Variants in CLVS1 observed in about 807,000 individuals in gnomAD.
The protein encoded by CLVS1 is clavesin-1.
Under a neutral mutation model 33.1 loss-of-function variants are expected in CLVS1, and 10 were observed. The observed-to-expected ratio is 0.30, with a 90% CI of 0.19 to 0.51. CLVS1 has a LOEUF of 0.51. Among genes scored for constraint, CLVS1 ranks in the 20% least tolerant of loss-of-function variants. CLVS1 has a pLI of 0.97. For missense variants in CLVS1, 343 were observed against 433.4 expected (o/e 0.79, Z 1.85); for synonymous variants, 163 against 166.1 (o/e 0.98, Z 0.14).
At chr8:61,197,087 C>T (rs925788354) in intron 2 of CLVS1, among the ~76,000 whole-genome samples, 19 of 152,138 alleles carry the variant, frequency 1.2e-4, no homozygotes, top group African/African-American at 4.6e-4. Flanking sequence ...CATGAGGCAT[C>T]CGTTGTATAA....
At chr8:61,218,930 G>A (rs1250744988) in intron 2 of CLVS1, among the ~76,000 whole-genome samples, 2 of 152,102 alleles carry the variant, frequency 1.3e-5, no homozygotes, top group African/African-American at 4.8e-5. Context: ...GGCAACAAGA[G>A]TGAAACTTCG....
At chr8:61,202,247 A>G (rs1372724917) in intron 2 of CLVS1, 14 of 524,790 alleles carry the variant, frequency 2.7e-5, no homozygotes, top group Non-Finnish European at 4.6e-5. Context: ...CAGATATTTA[A>G]GAATGTCCCC....
chr8:61,431,011 C>T (rs769991938), intron 3 of CLVS1, among the ~76,000 whole-genome samples: 4 of 152,150 alleles, frequency 2.6e-5, no homozygotes, highest in African/African-American at 4.8e-5. Context: ...CTACTAAACT[C>T]GCATGCTTGC....
intron 5 of CLVS1, among the ~76,000 whole-genome samples, chr8:61,480,581 C>T (rs529668094): frequency 6.6e-6 from 1 of 152,016 alleles, no homozygotes; most frequent in African/African-American, 2.4e-5. Context: ...GTGTGCTGCA[C>T]CCACTGTCCT....
intron 1 of CLVS1, among the ~76,000 whole-genome samples, chr8:61,080,021 TG>T (rs1234255642): frequency 2.8e-4 from 43 of 152,304 alleles, no homozygotes; most frequent in African/African-American, 1.0e-3. Context: ...AATGGATGCA[TG>T]GGGGTAATAC....
intron 5 of CLVS1, among the ~76,000 whole-genome samples, chr8:61,493,522 T>G (rs1563579300): frequency 6.6e-6 from 1 of 152,172 alleles, no homozygotes; most frequent in Non-Finnish European, 1.5e-5. Context: ...TTTTTACACA[T>G]GAGGAGGCCG....
intron 1 of CLVS1, among the ~76,000 whole-genome samples, chr8:61,094,406 G>C (rs992978801): frequency 5.9e-5 from 9 of 152,148 alleles, no homozygotes; most frequent in African/African-American, 2.2e-4. Flanking sequence ...GCTCTATACA[G>C]TTCTGAATGC....
At chr8:61,241,332 A>G (rs944809577) in intron 2 of CLVS1, among the ~76,000 whole-genome samples, 2 of 152,204 alleles carry the variant, frequency 1.3e-5, no homozygotes, top group Non-Finnish European at 2.9e-5. Context: ...GAGATGAATT[A>G]GATAGATTTT....
intron 2 of CLVS1, among the ~76,000 whole-genome samples, chr8:61,315,264 T>C (rs774569387): frequency 6.6e-6 from 1 of 152,246 alleles, no homozygotes; most frequent in Non-Finnish European, 1.5e-5. Flanking sequence ...TTTTCATTTT[T>C]AGACTTTTTG....
chr8:61,202,368 C>T (rs577901233), intron 2 of CLVS1: 153 of 746,774 alleles, frequency 2.0e-4, no homozygotes, highest in South Asian at 1.2e-3. Context: ...ATCTGATGGA[C>T]GTGGACATGA....
At chr8:61,012,943 A>G in the CLVS1 span, among the ~76,000 whole-genome samples, 1 of 152,196 alleles carries the variant, frequency 6.6e-6, no homozygotes. Context: ...TGTAAACTGC[A>G]GTCACAGAGG....
intron 2 of CLVS1, among the ~76,000 whole-genome samples, chr8:61,309,561 A>T (rs1585783301): frequency 6.6e-6 from 1 of 152,186 alleles, no homozygotes; most frequent in Non-Finnish European, 1.5e-5. Context: ...ATGTAGAAAA[A>T]CACCCCAAAT....
intron 2 of CLVS1, among the ~76,000 whole-genome samples, chr8:61,272,004 A>G (rs1809450578): frequency 6.6e-6 from 1 of 151,192 alleles, no homozygotes; most frequent in Non-Finnish European, 1.5e-5. Context: ...TTTAAAGTTA[A>G]TATTGTTATG....
intron 2 of CLVS1, among the ~76,000 whole-genome samples, chr8:61,238,941 G>A (rs532701246): frequency 1.6e-4 from 24 of 152,326 alleles, no homozygotes; most frequent in Middle Eastern, 3.4e-3. Flanking sequence ...ATACATATGT[G>A]TTAGTGGTCT....
At chr8:61,216,209 G>A (rs1808082474) in intron 2 of CLVS1, among the ~76,000 whole-genome samples, 2 of 152,148 alleles carry the variant, frequency 1.3e-5, no homozygotes, top group Non-Finnish European at 1.5e-5. Flanking sequence ...TATTGGCACA[G>A]GCTCCTTACT....
the CLVS1 span, among the ~76,000 whole-genome samples, chr8:61,005,901 G>T: frequency 6.6e-6 from 1 of 152,128 alleles, no homozygotes; most frequent in Admixed American, 6.5e-5. Flanking sequence ...CGAGGCGGGG[G>T]AGTCGGACCA....
intron 5 of CLVS1, among the ~76,000 whole-genome samples, chr8:61,459,716 A>C (rs1207767886): frequency 6.6e-6 from 1 of 152,138 alleles, no homozygotes; most frequent in African/African-American, 2.4e-5. Context: ...TCTGTTTTCC[A>C]TACATCACAT....
intron 2 of CLVS1, among the ~76,000 whole-genome samples, chr8:61,234,181 G>T (rs1029320113): frequency 3.3e-5 from 5 of 152,124 alleles, no homozygotes; most frequent in African/African-American, 1.2e-4. Flanking sequence ...CCAGCCCAGG[G>T]GCAGAAGTCT....
intron 2 of CLVS1, among the ~76,000 whole-genome samples, chr8:61,332,579 T>A (rs1811639416): frequency 6.6e-6 from 1 of 152,200 alleles, no homozygotes; most frequent in Admixed American, 6.5e-5. Flanking sequence ...GTTTATGCAT[T>A]AAAAGATTCC....
Sources: gnomAD v4.1 joint callset for allele counts (sites outside exome capture counted in the v4.1 genomes callset) on GRCh38, gnomAD v4.1.1 for gene constraint, MANE v1.5 for transcripts, NCBI Gene and HGNC (gene_info 2026-07-23, HGNC 2026-07-21) for gene names.